TMEM132D: variants seen among roughly 807,000 people sequenced by gnomAD.
TMEM132D encodes transmembrane protein 132D, also known as mature OL transmembrane protein.
In TMEM132D, 21 loss-of-function variants were observed where a neutral mutation model predicts 62.3. That is an observed-to-expected ratio of 0.34 (90% CI 0.24 to 0.49). The LOEUF is 0.49. Ranked by LOEUF, TMEM132D falls within the 20% of genes least tolerant of loss-of-function variation. The pLI, the probability that TMEM132D is intolerant of heterozygous loss-of-function variation, is 0.99. For missense variants in TMEM132D, 1,346 were observed against 1,402.8 expected (o/e 0.96, Z 0.65); for synonymous variants, 621 against 575.6 (o/e 1.08, Z -1.13).
chr12:129,865,267 G>A (rs114844644), intron 1 of TMEM132D, among the ~76,000 whole-genome samples: 3,209 of 152,310 alleles, frequency 0.021, 119 homozygotes, highest in African/African-American at 0.074. Context: ...AGAGGGAACT[G>A]CAGAGAAGGA....
chr12:129,677,113 A>C (rs949621758), intron 2 of TMEM132D, among the ~76,000 whole-genome samples: 3 of 152,198 alleles, frequency 2.0e-5, no homozygotes, highest in African/African-American at 7.2e-5. Context: ...ATGACAGTTA[A>C]TACGGTTGGG....
At chr12:129,692,407 A>C (rs981915177) in intron 2 of TMEM132D, among the ~76,000 whole-genome samples, 7 of 149,980 alleles carry the variant, frequency 4.7e-5, no homozygotes, top group African/African-American at 1.5e-4. Context: ...TTTTCTTGTG[A>C]ATTTGCCTAA....
chr12:129,580,639 G>T (rs993448062), intron 2 of TMEM132D, among the ~76,000 whole-genome samples: 1 of 152,220 alleles, frequency 6.6e-6, no homozygotes, highest in South Asian at 2.1e-4. Flanking sequence ...GGGAGGCAAA[G>T]GTTGCAGTAA....
At chr12:129,768,645 A>C (rs999964840) in intron 1 of TMEM132D, among the ~76,000 whole-genome samples, 9 of 152,128 alleles carry the variant, frequency 5.9e-5, no homozygotes, top group Admixed American at 2.0e-4. Flanking sequence ...TGACAGGATG[A>C]GAAGGAAATT....
chr12:129,611,098 A>G (rs2137151174), intron 2 of TMEM132D, among the ~76,000 whole-genome samples: 1 of 152,276 alleles, frequency 6.6e-6, no homozygotes, highest in South Asian at 2.1e-4. Flanking sequence ...TGCTTGCCTC[A>G]CTGCCTTCCT....
At chr12:129,528,702 T>C (rs545513724) in intron 3 of TMEM132D, among the ~76,000 whole-genome samples, 3 of 152,382 alleles carry the variant, frequency 2.0e-5, no homozygotes, top group African/African-American at 7.2e-5. Flanking sequence ...ATTTGTATCA[T>C]AATACATACA....
chr12:129,563,187 A>T (rs1386268888), intron 2 of TMEM132D, among the ~76,000 whole-genome samples: 1 of 152,216 alleles, frequency 6.6e-6, no homozygotes, highest in African/African-American at 2.4e-5. Context: ...GGCAGTAGAG[A>T]ATAACTGCAA....
Position 129,903,885 on chromosome 12 carries a change from C to T in TMEM132D, c.-546G>A, listed in dbSNP as rs1875462122. ...CCCGCAGCCCCCATCCCAGGCCGGCCGCTGCGCCTCGGGGCTCGGGCGCGC... is the reference window on the plus strand; with the variant it reads ...CCCGCAGCCCCCATCCCAGGCCGGCTGCTGCGCCTCGGGGCTCGGGCGCGC... On this transcript the variant is annotated 5_prime_UTR_variant, in exon 1 of 9. Coordinates refer to ENST00000422113, the MANE Select transcript of TMEM132D (RefSeq NM_133448.3). The surrounding 1 kb of genome is among the most constrained non-coding windows in gnomAD (Gnocchi z 6.2). 6.8e-6 allele frequency among the ~76,000 whole-genome samples: 1 copy of T among 146,878 alleles called. No homozygotes were observed. The highest frequency in any genetic ancestry group is 1.5e-5 in the Non-Finnish European group (1 of 66,026).
intron 1 of TMEM132D, among the ~76,000 whole-genome samples, chr12:129,729,627 C>T (rs1869155983): frequency 6.6e-6 from 1 of 152,262 alleles, no homozygotes; most frequent in South Asian, 2.1e-4. Context: ...AAACCCACCT[C>T]CAGAATTCCT....
intron 5 of TMEM132D, among the ~76,000 whole-genome samples, chr12:129,130,250 C>T (rs1004505572): frequency 6.6e-6 from 1 of 152,066 alleles, no homozygotes; most frequent in Non-Finnish European, 1.5e-5. Flanking sequence ...AACCACCCCA[C>T]CCAAGGTCCC....
intron 1 of TMEM132D, among the ~76,000 whole-genome samples, chr12:129,848,071 T>A (rs1873420217): frequency 6.6e-6 from 1 of 152,206 alleles, no homozygotes; most frequent in African/African-American, 2.4e-5. Flanking sequence ...ATGTGTTGAT[T>A]GATCTGTTCA....
At chr12:129,111,429 A>G (rs1156623302) in intron 5 of TMEM132D, 1 of 152,262 alleles carries the variant, frequency 6.6e-6, no homozygotes, top group Non-Finnish European at 1.5e-5. Context: ...GCAGCCCCAG[A>G]AAATGGAACA....
chr12:129,851,937 A>T lies in TMEM132D; in HGVS notation c.79+51324T>A, dbSNP rs1221972412. On this transcript the variant is annotated intron_variant, in intron 1 of 8. Coordinates refer to ENST00000422113, the MANE Select transcript of TMEM132D (RefSeq NM_133448.3). The stretch of plus-strand genomic sequence containing the variant: ...TTCACATTGTAAAACCTTATTTTGA[A>T]TTCTTAACCATTTAAAAAATGTAAA... Among the ~76,000 whole-genome samples the T allele has an allele frequency of 2.0e-5, 3 of 152,348 alleles. No homozygotes were observed. In the East Asian group the frequency reaches 5.8e-4, roughly 29 times the overall value.
At chr12:129,573,217 G>C (rs987031159) in intron 2 of TMEM132D, among the ~76,000 whole-genome samples, 1 of 152,130 alleles carries the variant, frequency 6.6e-6, no homozygotes, top group African/African-American at 2.4e-5. Context: ...CTGTGAGGAT[G>C]GTTGTGGGCC....
chr12:129,307,645 C>A (rs1426851450), intron 4 of TMEM132D, among the ~76,000 whole-genome samples: 2 of 152,092 alleles, frequency 1.3e-5, no homozygotes, highest in Non-Finnish European at 2.9e-5. Flanking sequence ...TCTTCTTTCC[C>A]TCAACACTCA....
intron 2 of TMEM132D, among the ~76,000 whole-genome samples, chr12:129,557,560 C>T (rs1388907): frequency 0.86 from 130,608 of 152,166 alleles, 56,167 homozygotes; most frequent in East Asian, 0.99. Context: ...ACAAAAAAAT[C>T]AGAAAATTAG....
chr12:129,332,680 A>G (rs746173694), intron 4 of TMEM132D, among the ~76,000 whole-genome samples: 4 of 152,222 alleles, frequency 2.6e-5, no homozygotes, highest in Non-Finnish European at 5.9e-5. Context: ...CCATTATGCA[A>G]AAGATAATGG....
intron 1 of TMEM132D, among the ~76,000 whole-genome samples, chr12:129,735,477 A>G (rs868253163): frequency 1.3e-5 from 2 of 152,246 alleles, no homozygotes; most frequent in South Asian, 4.1e-4. Flanking sequence ...ATATATGTAC[A>G]AATGATACTA....
chr12:129,593,613 T>C (rs926692692), intron 2 of TMEM132D, among the ~76,000 whole-genome samples: 7 of 152,212 alleles, frequency 4.6e-5, no homozygotes, highest in Non-Finnish European at 1.0e-4. Context: ...ATTGCACTTT[T>C]GGCTTTTGGG....
Sources: allele counts gnomAD v4.1 joint callset (sites outside exome capture counted in the v4.1 genomes callset), GRCh38; gene constraint gnomAD v4.1.1; non-coding constraint Gnocchi (gnomAD v3.1); transcripts MANE v1.5; gene names NCBI Gene and HGNC (gene_info 2026-07-23, HGNC 2026-07-21).